The following PRDM2 variants were observed in gnomAD, a reference collection of about 807,000 sequenced individuals.
The protein encoded by PRDM2 is PR/SET domain 2.
A neutral mutation model predicts 130.0 loss-of-function variants in PRDM2; 30 were observed. The observed-to-expected ratio is 0.23, with a 90% CI of 0.17 to 0.31. The LOEUF is 0.31. PRDM2 is among the 10% of genes least tolerant of loss of function. The pLI is 1.00. For synonymous variants in PRDM2, 871 were observed against 782.4 expected (o/e 1.11, Z -1.89); for missense variants, 2,011 against 2,108.4 (o/e 0.95, Z 0.90).
In PRDM2 at chr1:13,779,805, C is replaced by T; in HGVS notation, c.2010C>T (p.Ser670=). ...VPSCSLSLPL[S]ISTTEAVSFH... ...CTTGCTCTTTAAGTCTTCCTCTTAG[C>T]ATATCAACAACAGAGGCAGTGTCTT... The change falls in exon 8 of 10, where the codon AGC becomes AGT. Residue 670 remains serine, a synonymous_variant. Transcript: ENST00000311066. The surrounding 1 kb of genome is among the most constrained non-coding windows in gnomAD (Gnocchi z 4.9). 1.2e-6 allele frequency: 2 copies of T among 1,614,182 alleles called. No homozygotes were observed. Among genetic ancestry groups the T allele is most frequent in the East Asian group, 4.5e-5 (2 of 44,876 alleles).
intron 8 of PRDM2, chr1:13,786,571 T>C (rs778374896): frequency 6.2e-7 from 1 of 1,604,924 alleles, no homozygotes; most frequent in Non-Finnish European, 8.5e-7. Context: ...CTAAAAAGTA[T>C]TGCATGCTCA....
chr1:13,736,041 C>CT lies in PRDM2; in HGVS notation c.231+3168dup, dbSNP rs1223611112. On this transcript the variant is annotated intron_variant, in intron 4 of 9. Transcript: ENST00000311066. ...CAAACAGCACATGCAGTTTTTAATG[C>CT]TTTTTTTTTCTTTCAGTATCTTGTG... Among the ~76,000 whole-genome samples the CT allele has an allele frequency of 8.0e-5, 12 of 149,726 alleles. No individual in the cohort carries two copies. In the South Asian group the frequency reaches 1.5e-3, roughly 19 times the overall value.
At chr1:13,786,753 C>T (rs1644750419) in intron 8 of PRDM2, 1 of 1,391,262 alleles carries the variant, frequency 7.2e-7, no homozygotes, top group Non-Finnish European at 9.3e-7. Flanking sequence ...TGATTGAGAT[C>T]CAAAGAGAAG....
chr1:13,781,675 C>T lies in PRDM2; in HGVS notation c.3880C>T (p.His1294Tyr). 6.2e-7 allele frequency: 1 copy of T among 1,614,070 alleles called. No individual in the cohort carries two copies. The highest frequency in any genetic ancestry group is 8.5e-7 in the Non-Finnish European group (1 of 1,180,032). Residue 1294 changes from histidine (H) to tyrosine (Y), a missense_variant, in exon 8 of 10, where the codon CAT becomes TAT. Physicochemically the swap from His to Tyr is moderately conservative, Grantham distance 83. Transcript: ENST00000311066. The surrounding 1 kb of genome is among the most constrained non-coding windows in gnomAD (Gnocchi z 6.1). ...DPDVRLGLNQHYPSFKPPPFQ... is the reference protein window; with the variant it reads ...DPDVRLGLNQYYPSFKPPPFQ... The stretch of plus-strand genomic sequence containing the variant: ...AGATGTTCGATTGGGCCTCAATCAG[C>T]ATTACCCAAGCTTTAAACCACCTCC...
intron 1 of PRDM2, among the ~76,000 whole-genome samples, chr1:13,714,574 A>G (rs1642476971): frequency 6.6e-6 from 1 of 152,218 alleles, no homozygotes; most frequent in East Asian, 1.9e-4. Context: ...ACCTTATTAA[A>G]AAACAAGGGT....
At chr1:13,723,732 T>G (rs1642811417) in intron 2 of PRDM2, among the ~76,000 whole-genome samples, 1 of 152,356 alleles carries the variant, frequency 6.6e-6, no homozygotes, top group South Asian at 2.1e-4. Context: ...TCGAGGATTC[T>G]CATCCACTTC....
intron 4 of PRDM2, among the ~76,000 whole-genome samples, chr1:13,737,775 TA>T (rs956148105): frequency 2.9e-4 from 43 of 146,916 alleles, no homozygotes; most frequent in Non-Finnish European, 3.8e-4. Context: ...TGGTCTGGTG[TA>T]AAAAAAAAAA....
rs111297187 is a variant in PRDM2, at chr1:13,786,221, A to G, written c.5036+3390A>G. ...CATCGCAGTCAAGAAAAAGGTAGAG[A>G]AGCAAAATGAAATTCTAGACCAAGT... On this transcript the variant is annotated intron_variant, in intron 8 of 9. Transcript: ENST00000311066. Among the ~76,000 whole-genome samples the G allele has an allele frequency of 4.7e-3, 712 of 152,018 alleles. 7 individuals are homozygous for G. Among genetic ancestry groups the G allele is most frequent in the African/African-American group, 0.017 (688 of 41,462 alleles).
rs1039813053 is a variant in PRDM2 at position 13,784,005 on chromosome 1, G to A, written c.5036+1174G>A. Among the ~76,000 whole-genome samples, 5 of 152,318 alleles carry A rather than the reference G, an allele frequency of 3.3e-5. No individual in the cohort carries two copies. In the South Asian group the frequency reaches 8.3e-4, roughly 25 times the overall value. Reference sequence around the variant, plus strand: ...ATGAGGTAGAATTTTTAATGCTGGTGTGCCTTAAATCACAGCTAAAGATAG... The same window carrying A: ...ATGAGGTAGAATTTTTAATGCTGGTATGCCTTAAATCACAGCTAAAGATAG... On this transcript the variant is annotated intron_variant, in intron 8 of 9. Transcript: ENST00000311066.
intron 6 of PRDM2, among the ~76,000 whole-genome samples, chr1:13,760,472 G>A (rs180958510): frequency 1.3e-5 from 2 of 152,292 alleles, no homozygotes; most frequent in Admixed American, 1.3e-4. Context: ...TGGAGTGTGC[G>A]TGTATGTTGG....
chr1:13,730,136 G>C (rs182786191), intron 2 of PRDM2, among the ~76,000 whole-genome samples: 95 of 152,268 alleles, frequency 6.2e-4, no homozygotes, highest in Non-Finnish European at 1.0e-3. Context: ...ATCATTCTTA[G>C]CAGTGCCGTG....
At chr1:13,753,555 C>T (rs544073534) in intron 6 of PRDM2, among the ~76,000 whole-genome samples, 5 of 152,002 alleles carry the variant, frequency 3.3e-5, no homozygotes, top group Admixed American at 2.0e-4. Flanking sequence ...TCTAAAGGTG[C>T]GAAATAACAA....
At chr1:13,786,575 A>C (rs771273666) in intron 8 of PRDM2, 9 of 1,604,218 alleles carry the variant, frequency 5.6e-6, no homozygotes, top group Middle Eastern at 3.3e-4. Flanking sequence ...AAAGTATTGC[A>C]TGCTCAACTT....
intron 9 of PRDM2, among the ~76,000 whole-genome samples, chr1:13,822,638 C>T (rs558246008): frequency 1.3e-5 from 2 of 152,006 alleles, no homozygotes; most frequent in Non-Finnish European, 1.5e-5. Flanking sequence ...GTGATCTGCT[C>T]GCCTCGGCCT....
intron 2 of PRDM2, among the ~76,000 whole-genome samples, chr1:13,727,431 T>G (rs1243037703): frequency 6.6e-6 from 1 of 152,188 alleles, no homozygotes; most frequent in Non-Finnish European, 1.5e-5. Flanking sequence ...ATTTTTGTAT[T>G]TTAAGTAGAG....
chr1:13,745,364 A>G (rs1043216623), intron 5 of PRDM2, among the ~76,000 whole-genome samples: 1 of 151,912 alleles, frequency 6.6e-6, no homozygotes, highest in African/African-American at 2.4e-5. Flanking sequence ...GGTCTGCTGG[A>G]AGAACAGTCC....
intron 8 of PRDM2, among the ~76,000 whole-genome samples, chr1:13,805,091 C>T (rs1434297811): frequency 6.6e-6 from 1 of 152,156 alleles, no homozygotes; most frequent in African/African-American, 2.4e-5. Context: ...CTCTGTAAAA[C>T]CAGGACCATC....
intron 1 of PRDM2, among the ~76,000 whole-genome samples, chr1:13,703,321 A>C (rs1442190680): frequency 6.6e-6 from 1 of 152,084 alleles, no homozygotes; most frequent in Non-Finnish European, 1.5e-5. Flanking sequence ...TGCCAGTAGC[A>C]CCTCCTTCCA....
chr1:13,759,581 G>T (rs1013316134), intron 6 of PRDM2, among the ~76,000 whole-genome samples: 17 of 152,216 alleles, frequency 1.1e-4, no homozygotes, highest in African/African-American at 3.9e-4. Flanking sequence ...GGGCCTGTGA[G>T]AAATGAGAGT....
Sources: gnomAD v4.1 joint callset for allele counts (sites outside exome capture counted in the v4.1 genomes callset) on GRCh38, gnomAD v4.1.1 for gene constraint, Gnocchi (gnomAD v3.1) non-coding constraint, MANE v1.5 for transcripts, NCBI Gene and HGNC (gene_info 2026-07-23, HGNC 2026-07-21) for gene names.